Variants in ENOX1 observed in about 807,000 individuals in gnomAD.
The protein encoded by ENOX1 is ecto-NOX disulfide-thiol exchanger 1, also known as candidate growth-related and time keeping constitutive hydroquinone (NADH) oxidase.
ENOX1 carries 42 observed loss-of-function variants against 82.5 expected under a neutral mutation model. The observed-to-expected ratio is 0.51, with a 90% CI of 0.40 to 0.66. The LOEUF (loss-of-function observed/expected upper bound fraction) is 0.66, where lower values mean the gene tolerates loss of function less well. Among genes scored for constraint, ENOX1 ranks in the 30% least tolerant of loss-of-function variants. The probability of loss-of-function intolerance (pLI) is 0.00; values close to 1 mark genes in which losing one functional copy is unlikely to be tolerated. For synonymous variants in ENOX1, 271 were observed against 282.2 expected (o/e 0.96, Z 0.40); for missense variants, 608 against 811.6 (o/e 0.75, Z 3.05).
chr13:43,410,112 T>C (rs2054033442), intron 5 of ENOX1, among the ~76,000 whole-genome samples: 1 of 152,210 alleles, frequency 6.6e-6, no homozygotes. Context: ...TTGGTCATGG[T>C]TAAAACGTCA....
chr13:43,475,143 T>C (rs1361586160), intron 3 of ENOX1, among the ~76,000 whole-genome samples: 2 of 152,194 alleles, frequency 1.3e-5, no homozygotes, highest in Non-Finnish European at 1.5e-5. Context: ...ATCATTATGA[T>C]GGCTATTGAT....
chr13:43,586,888 C>T (rs185000023), intron 2 of ENOX1, among the ~76,000 whole-genome samples: 108 of 145,864 alleles, frequency 7.4e-4, no homozygotes, highest in Middle Eastern at 3.6e-3. Flanking sequence ...CATGGTGAAA[C>T]CCTGTCTCTA....
chr13:43,720,364 G>A (rs12864863), intron 1 of ENOX1, among the ~76,000 whole-genome samples: 59,297 of 152,016 alleles, frequency 0.39, 14,212 homozygotes, highest in Non-Finnish European at 0.55. Flanking sequence ...ACGGAAGCCC[G>A]TTCAATGCCT....
chr13:43,775,105 C>T (rs1172036144), intron 1 of ENOX1, among the ~76,000 whole-genome samples: 1 of 152,156 alleles, frequency 6.6e-6, no homozygotes, highest in Non-Finnish European at 1.5e-5. Context: ...ACCTCGGCCT[C>T]CCAAAGTGCT....
chr13:43,581,232 A>ACG (rs975305240), intron 2 of ENOX1, among the ~76,000 whole-genome samples: 17 of 137,758 alleles, frequency 1.2e-4, no homozygotes, highest in Non-Finnish European at 2.4e-4. Context: ...TCCCGGGTTC[A>ACG]CGCCATTCTC....
At chr13:43,596,073 C>T (rs1032851922) in intron 2 of ENOX1, among the ~76,000 whole-genome samples, 3 of 152,218 alleles carry the variant, frequency 2.0e-5, no homozygotes, top group Admixed American at 6.5e-5. Flanking sequence ...CAAATTCTCA[C>T]TTGCTTACTC....
intron 1 of ENOX1, among the ~76,000 whole-genome samples, chr13:43,713,308 A>C (rs904636767): frequency 6.6e-6 from 1 of 152,180 alleles, no homozygotes; most frequent in Non-Finnish European, 1.5e-5. Flanking sequence ...TGCTGGATTC[A>C]GTTTGCCAGT....
chr13:43,216,161 G>A (rs950805346), intron 16 of ENOX1, among the ~76,000 whole-genome samples: 7 of 152,076 alleles, frequency 4.6e-5, no homozygotes, highest in Non-Finnish European at 2.9e-5. Flanking sequence ...TGGCACCACC[G>A]CACTCCATCC....
chr13:43,328,761 T>A (rs1377049853), intron 9 of ENOX1, among the ~76,000 whole-genome samples: 3 of 152,180 alleles, frequency 2.0e-5, no homozygotes, highest in Non-Finnish European at 4.4e-5. Flanking sequence ...ATTTCCTGTT[T>A]GTGGCTAAGT....
chr13:43,715,245 G>A (rs371439454), intron 1 of ENOX1, among the ~76,000 whole-genome samples: 1 of 152,146 alleles, frequency 6.6e-6, no homozygotes, highest in Non-Finnish European at 1.5e-5. Flanking sequence ...GGCCCCCACT[G>A]TCTTCTGGCT....
chr13:43,609,910 T>C (rs1566628074), intron 2 of ENOX1: 1 of 982,248 alleles, frequency 1.0e-6, no homozygotes. Context: ...TTTTTCCATC[T>C]TCTGTCCATC....
At chr13:43,728,667 A>G (rs2089143051) in intron 1 of ENOX1, among the ~76,000 whole-genome samples, 1 of 152,208 alleles carries the variant, frequency 6.6e-6, no homozygotes, top group Non-Finnish European at 1.5e-5. Context: ...ATATTTGTTT[A>G]CAGCAGAACT....
chr13:43,667,090 A>G (rs955233673), intron 2 of ENOX1, among the ~76,000 whole-genome samples: 1 of 152,242 alleles, frequency 6.6e-6, no homozygotes, highest in Non-Finnish European at 1.5e-5. Flanking sequence ...ATAACTTTAG[A>G]TAAGGGGACA....
chr13:43,770,540 T>C (rs902381539), intron 1 of ENOX1, among the ~76,000 whole-genome samples: 4 of 152,178 alleles, frequency 2.6e-5, no homozygotes, highest in Non-Finnish European at 5.9e-5. Flanking sequence ...ATAAAAGTAT[T>C]CAAGTCATTA....
Position 43,240,329 on chromosome 13 carries a change from G to C in ENOX1, c.1612-3591C>G, listed in dbSNP as rs28572509. On this transcript the variant is annotated intron_variant, in intron 14 of 16. Coordinates refer to ENST00000690772, the MANE Select transcript of ENOX1 (RefSeq NM_001347969.2). ...GACCAGCAAGCAATTCTTATAAAAG[G>C]TCTAAAAGAAAGAAATATGAGAAGA... Among the ~76,000 whole-genome samples the C allele has an allele frequency of 9.5e-3, 1,454 of 152,280 alleles. 26 individuals are homozygous for C. The highest frequency in any genetic ancestry group is 0.033 in the African/African-American group (1,373 of 41,556).
intron 3 of ENOX1, among the ~76,000 whole-genome samples, chr13:43,434,684 T>C (rs2055884130): frequency 6.6e-6 from 1 of 152,204 alleles, no homozygotes; most frequent in African/African-American, 2.4e-5. Context: ...ATATTGGCAG[T>C]TTCATGTAGT....
chr13:43,650,603 C>T (rs1304791576), intron 2 of ENOX1, among the ~76,000 whole-genome samples: 2 of 152,088 alleles, frequency 1.3e-5, no homozygotes, highest in African/African-American at 4.8e-5. Context: ...CTTTGGGAGG[C>T]CAAGGCGGGT....
chr13:43,531,104 C>CT lies in ENOX1; in HGVS notation c.-218-46953dup, dbSNP rs568113030. The stretch of plus-strand genomic sequence containing the variant: ...TTTTTTTTACAAGAAGTAAATAATA[C>CT]TTTTTTTTTACAAGAAGTAAAAATA... On this transcript the variant is annotated intron_variant, in intron 2 of 16. Transcript: ENST00000690772. Among the ~76,000 whole-genome samples the CT allele has an allele frequency of 9.4e-3, 1,418 of 150,400 alleles. 9 individuals are homozygous for CT. Among genetic ancestry groups the CT allele is most frequent in the African/African-American group, 0.023 (943 of 41,096 alleles).
intron 3 of ENOX1, among the ~76,000 whole-genome samples, chr13:43,415,721 C>T (rs545256763): frequency 5.9e-5 from 9 of 152,128 alleles, no homozygotes; most frequent in South Asian, 2.1e-4. Flanking sequence ...TTGACAAAAC[C>T]GCCATTGTCA....
Sources: allele counts gnomAD v4.1 joint callset (sites outside exome capture counted in the v4.1 genomes callset), GRCh38; gene constraint gnomAD v4.1.1; transcripts MANE v1.5; gene names NCBI Gene and HGNC (gene_info 2026-07-23, HGNC 2026-07-21).